KLHL5: variants seen among roughly 807,000 people sequenced by gnomAD.
KLHL5 encodes the protein kelch-like protein 5.
KLHL5 carries 48 observed loss-of-function variants against 77.7 expected under a neutral mutation model. The observed-to-expected ratio is 0.62, with a 90% confidence interval of 0.49 to 0.79. The LOEUF (loss-of-function observed/expected upper bound fraction) is 0.79, where lower values mean the gene tolerates loss of function less well. Among genes scored for constraint, KLHL5 ranks in the 30% least tolerant of loss-of-function variants. The pLI is 0.00. For missense variants in KLHL5, 723 were observed against 859.7 expected (o/e 0.84, Z 1.99); for synonymous variants, 260 against 297.0 (o/e 0.88, Z 1.28).
chr4:39,086,321 T>A (rs1436692678), intron 4 of KLHL5, among the ~76,000 whole-genome samples, 194 bp from the exon 5 acceptor site: 1 of 152,252 alleles, frequency 6.6e-6, no homozygotes, highest in African/African-American at 2.4e-5. Flanking sequence ...TACTTGCATA[T>A]GTTTAACAAC....
Position 39,076,062 on chromosome 4 carries a change from T to A in KLHL5, c.481T>A (p.Phe161Ile). ...AGCCCTTAATCATGCCGAGCAAACA[T>A]TTAAAAAAATGGAAAACTATTTGAG... ...FQALNHAEQT[F>I]KKMENYLRHK... is the part of the protein sequence containing the mutation. The change falls in exon 2 of 11, where the codon TTT becomes ATT. Residue 161 changes from phenylalanine (F) to isoleucine (I), a missense_variant. By Grantham distance (21) the Phe-to-Ile change is conservative. Around this residue, in one of 3 missense-constraint regions of KLHL5, gnomAD observed 221 missense variants for 222.1 expected, o/e 1.00. Transcript: ENST00000504108. 6.2e-7 allele frequency: 1 copy of A among 1,608,294 alleles called. No homozygotes were observed. Among genetic ancestry groups the A allele is most frequent in the Non-Finnish European group, 8.5e-7 (1 of 1,178,478 alleles).
At chr4:39,127,765 G>T (rs1420004114), downstream of KLHL5, among the ~76,000 whole-genome samples, 2 of 152,064 alleles carry the variant, frequency 1.3e-5, no homozygotes, top group Admixed American at 1.3e-4. Flanking sequence ...ACACCGACCT[G>T]GCGCAAATTT....
upstream of KLHL5, among the ~76,000 whole-genome samples, chr4:39,062,072 A>G (rs189310565): frequency 2.3e-4 from 35 of 152,362 alleles, no homozygotes; most frequent in African/African-American, 8.2e-4. Context: ...ATGCTTTTTT[A>G]AAAACTTGTT....
chr4:39,103,153 C>A, intron 6 of KLHL5, 134 bp from the exon 7 acceptor site: 1 of 749,386 alleles, frequency 1.3e-6, no homozygotes, highest in Non-Finnish European at 2.1e-6. Context: ...CTAGATCATG[C>A]AGGACCTTCA....
intron 4 of KLHL5, among the ~76,000 whole-genome samples, chr4:39,084,465 T>C (rs1213698874): frequency 6.6e-6 from 1 of 152,226 alleles, no homozygotes; most frequent in Non-Finnish European, 1.5e-5. Context: ...AAATTGTCTT[T>C]CTCAATCTAG....
intron 1 of KLHL5, among the ~76,000 whole-genome samples, chr4:39,056,715 A>G (rs931492859): frequency 2.0e-5 from 3 of 152,336 alleles, no homozygotes; most frequent in African/African-American, 7.2e-5. Flanking sequence ...ATTGCTTGAT[A>G]TATAATTAAA....
At chr4:39,098,724 C>T (rs1721290176) in intron 6 of KLHL5, among the ~76,000 whole-genome samples, 1 of 151,838 alleles carries the variant, frequency 6.6e-6, no homozygotes, top group South Asian at 2.1e-4. Flanking sequence ...CCACCATGCC[C>T]CGCTAATTTT....
At chr4:39,078,055 A>G (rs1408916711) in intron 2 of KLHL5, among the ~76,000 whole-genome samples, 2 of 152,198 alleles carry the variant, frequency 1.3e-5, no homozygotes, top group Admixed American at 6.5e-5. Context: ...GTTCTCTCTC[A>G]TAAGTGGGAG....
the KLHL5 span, among the ~76,000 whole-genome samples, chr4:39,134,892 C>T: frequency 2.0e-5 from 3 of 152,174 alleles, no homozygotes; most frequent in South Asian, 2.1e-4. Context: ...GTCATAAACC[C>T]ATTATTAGAA....
intron 10 of KLHL5, among the ~76,000 whole-genome samples, chr4:39,117,396 A>C (rs954621057): frequency 2.0e-5 from 3 of 152,184 alleles, no homozygotes; most frequent in African/African-American, 7.2e-5. Context: ...GAAACTTTCA[A>C]CCAAGAGAAT....
chr4:39,119,569 T>G (rs28465556), intron 10 of KLHL5, among the ~76,000 whole-genome samples: 80,206 of 151,986 alleles, frequency 0.53, 21,715 homozygotes, highest in Non-Finnish European at 0.6. Context: ...TGGGTGACAG[T>G]GCAAGACTCC....
chr4:39,120,508 C>T (rs909321210), intron 10 of KLHL5, among the ~76,000 whole-genome samples: 3 of 152,092 alleles, frequency 2.0e-5, no homozygotes, highest in Non-Finnish European at 2.9e-5. Context: ...CAGCCATGCA[C>T]GTAGAAGGTA....
chr4:39,089,124 A>C (rs1720300430), intron 5 of KLHL5, among the ~76,000 whole-genome samples: 1 of 152,214 alleles, frequency 6.6e-6, no homozygotes, highest in Non-Finnish European at 1.5e-5. Context: ...CCAATTAGGA[A>C]GGCTTTTGGA....
At chr4:39,139,017 C>T in the KLHL5 span, among the ~76,000 whole-genome samples, 1 of 152,134 alleles carries the variant, frequency 6.6e-6, no homozygotes, top group African/African-American at 2.4e-5. Context: ...CGTGGTGGCT[C>T]ACGCCTGTAA....
At chr4:39,132,259 G>A in the KLHL5 span, among the ~76,000 whole-genome samples, 2 of 152,118 alleles carry the variant, frequency 1.3e-5, no homozygotes, top group African/African-American at 2.4e-5. Context: ...CCAGATTCAC[G>A]TTACTTGAAA....
chr4:39,116,760 G>A (rs1197991003), intron 10 of KLHL5, among the ~76,000 whole-genome samples: 1 of 152,110 alleles, frequency 6.6e-6, no homozygotes, highest in East Asian at 1.9e-4. Flanking sequence ...TGGGAGGATC[G>A]CTTGAGGCCA....
At chr4:39,056,387 C>A (rs1320768552) in intron 1 of KLHL5, among the ~76,000 whole-genome samples, 1 of 152,154 alleles carries the variant, frequency 6.6e-6, no homozygotes, top group African/African-American at 2.4e-5. Context: ...AGGCATGAGC[C>A]ACTGCACCCG....
intron 2 of KLHL5, among the ~76,000 whole-genome samples, chr4:39,078,198 C>A (rs1042544734): frequency 2.0e-5 from 3 of 151,974 alleles, no homozygotes; most frequent in Non-Finnish European, 4.4e-5. Context: ...CCAGCCTGAC[C>A]AAGATGGTGA....
At chr4:39,096,954 A>C in intron 6 of KLHL5, 76 bp downstream of exon 6, 1 of 1,227,000 alleles carries the variant, frequency 8.1e-7, no homozygotes, top group Non-Finnish European at 1.2e-6. Flanking sequence ...ATGGCCAAAG[A>C]ACTCTTTGGA....
Sources: allele counts gnomAD v4.1 joint callset (sites outside exome capture counted in the v4.1 genomes callset), GRCh38; gene constraint gnomAD v4.1.1; regional missense constraint gnomAD v4.1.1; transcripts MANE v1.5; gene names NCBI Gene and HGNC (gene_info 2026-07-23, HGNC 2026-07-21).